The following SBF2 variants were observed in gnomAD, a reference collection of about 807,000 sequenced individuals.
SBF2 encodes the protein myotubularin-related protein 13.
A neutral mutation model predicts 225.2 loss-of-function variants in SBF2; 112 were observed. The ratio of observed to expected loss-of-function variants is 0.50; its 90% CI spans 0.43 to 0.58. The LOEUF is 0.58. SBF2 is among the 20% of genes least tolerant of loss of function. The pLI, the probability that SBF2 is intolerant of heterozygous loss-of-function variation, is 0.00. For synonymous variants in SBF2, 763 were observed against 773.3 expected (o/e 0.99, Z 0.22); for missense variants, 1,996 against 2,206.2 (o/e 0.90, Z 1.91).
At chr11:10,197,387 G>A (rs1424161525) in intron 1 of SBF2, among the ~76,000 whole-genome samples, 1 of 152,186 alleles carries the variant, frequency 6.6e-6, no homozygotes, top group African/African-American at 2.4e-5. Context: ...GCATGTAAAA[G>A]TTATGTTTAC....
At chr11:9,963,687 AAAG>A (rs1464432851) in intron 15 of SBF2, 83 bp downstream of exon 15, 1 of 713,350 alleles carries the variant, frequency 1.4e-6, no homozygotes, top group Non-Finnish European at 2.5e-6. Context: ...GGATAGAATT[AAAG>A]AAGAGAGAAG....
At chr11:9,930,063 T>C (rs986134686) in intron 16 of SBF2, among the ~76,000 whole-genome samples, 3 of 152,018 alleles carry the variant, frequency 2.0e-5, no homozygotes, top group African/African-American at 2.4e-5. Context: ...AGGTGATGGG[T>C]TGACAGGTGC....
At chr11:10,055,771 T>C (rs1950235724) in intron 2 of SBF2, among the ~76,000 whole-genome samples, 3 of 152,028 alleles carry the variant, frequency 2.0e-5, no homozygotes, top group Middle Eastern at 6.8e-3. Flanking sequence ...GTCCCAGAAG[T>C]GGGGAAATGG....
At chr11:10,003,128 C>T (rs1043334892) in intron 6 of SBF2, among the ~76,000 whole-genome samples, 1 of 152,210 alleles carries the variant, frequency 6.6e-6, no homozygotes, top group Non-Finnish European at 1.5e-5. Flanking sequence ...TTGTAAACAG[C>T]ATACACAAAT....
At chr11:9,896,811 G>A (rs1261506492) in intron 16 of SBF2, among the ~76,000 whole-genome samples, 2 of 151,540 alleles carry the variant, frequency 1.3e-5, no homozygotes, top group African/African-American at 4.8e-5. Flanking sequence ...AGGGGGGTGG[G>A]GCGGGGAGGA....
chr11:9,914,276 G>A (rs146636077), intron 16 of SBF2, among the ~76,000 whole-genome samples: 2 of 152,170 alleles, frequency 1.3e-5, no homozygotes, highest in African/African-American at 4.8e-5. Flanking sequence ...AAAAAGTAAT[G>A]CTAGAGATCA....
chr11:9,972,984 A>G (rs1946529114), intron 13 of SBF2, among the ~76,000 whole-genome samples: 1 of 152,216 alleles, frequency 6.6e-6, no homozygotes. Context: ...ATTATGATAT[A>G]TTTAGCTGTG....
chr11:10,110,644 G>C (rs1952794029), intron 2 of SBF2, among the ~76,000 whole-genome samples: 1 of 151,982 alleles, frequency 6.6e-6, no homozygotes, highest in Non-Finnish European at 1.5e-5. Context: ...AGTTTTAAAA[G>C]CTATAAATTT....
intron 2 of SBF2, among the ~76,000 whole-genome samples, chr11:10,123,269 T>C (rs570276808): frequency 6.6e-6 from 1 of 152,090 alleles, no homozygotes; most frequent in African/African-American, 2.4e-5. Context: ...AAGGGAAACA[T>C]AGGGTTCAGC....
At chr11:10,120,955 G>A (rs1953414846) in intron 2 of SBF2, among the ~76,000 whole-genome samples, 1 of 151,876 alleles carries the variant, frequency 6.6e-6, no homozygotes, top group African/African-American at 2.4e-5. Context: ...TGGTAGAGAC[G>A]AGGTTCCACC....
intron 1 of SBF2, among the ~76,000 whole-genome samples, chr11:10,300,915 C>G (rs1206120385): frequency 6.6e-6 from 1 of 151,424 alleles, no homozygotes; most frequent in South Asian, 2.1e-4. Flanking sequence ...TCCCAAAGTG[C>G]TAGGATTACA....
At chr11:9,826,713 GTA>G (rs55922206) in intron 28 of SBF2, among the ~76,000 whole-genome samples, 27,347 of 148,476 alleles carry the variant, frequency 0.18, 2,789 homozygotes, top group Non-Finnish European at 0.24. Flanking sequence ...TGTGTGGTGT[GTA>G]TATATATATA....
Position 10,103,587 on chromosome 11 carries a change from T to A in SBF2, c.142-60606A>T, listed in dbSNP as rs369791873. Among the ~76,000 whole-genome samples, 64 of 152,356 alleles carry A rather than the reference T, an allele frequency of 4.2e-4. 1 individual carries two copies. Among genetic ancestry groups the A allele is most frequent in the African/African-American group, 1.5e-3 (63 of 41,584 alleles). ...ACTTTTTGTCATCCACAGACAATTG[T>A]TGTCTTGCTTTGATCCTCTTTAAAT... On this transcript the variant is annotated intron_variant, in intron 2 of 39. Coordinates refer to ENST00000256190, the MANE Select transcript of SBF2 (RefSeq NM_030962.4).
intron 28 of SBF2, among the ~76,000 whole-genome samples, chr11:9,823,468 AG>A (rs751220587): frequency 6.6e-6 from 1 of 152,162 alleles, no homozygotes; most frequent in East Asian, 1.9e-4. Context: ...GGGAGCAAAA[AG>A]AAAAAGGCTA....
At chr11:9,849,888 T>C (rs1295169177) in intron 22 of SBF2, 135 bp downstream of exon 22, 1 of 825,538 alleles carries the variant, frequency 1.2e-6, no homozygotes, top group Non-Finnish European at 2.1e-6. Context: ...CAGACTAAAG[T>C]ATTTCACCAA....
intron 2 of SBF2, among the ~76,000 whole-genome samples, chr11:10,052,941 A>G (rs2134721297): frequency 6.6e-6 from 1 of 152,312 alleles, no homozygotes. Flanking sequence ...AAGAAATAAA[A>G]TGAAAGTGAA....
intron 2 of SBF2, among the ~76,000 whole-genome samples, chr11:10,170,939 T>G (rs79268357): frequency 0.08 from 12,212 of 152,282 alleles, 673 homozygotes; most frequent in East Asian, 0.28. Context: ...TTTTTTCAGA[T>G]AGTTCACTGT....
intron 16 of SBF2, chr11:9,961,751 A>G: frequency 2.0e-6 from 1 of 501,792 alleles, no homozygotes; most frequent in Non-Finnish European, 3.5e-6. Flanking sequence ...TAGCATTTTC[A>G]AAGAGAAAAC....
At chr11:10,180,248 T>C (rs1049613090) in intron 2 of SBF2, among the ~76,000 whole-genome samples, 32 of 152,174 alleles carry the variant, frequency 2.1e-4, no homozygotes, top group African/African-American at 7.2e-4. Flanking sequence ...CCCTTTATCA[T>C]TTCTTGTAAG....
Sources: allele counts gnomAD v4.1 joint callset (sites outside exome capture counted in the v4.1 genomes callset), GRCh38; gene constraint gnomAD v4.1.1; transcripts MANE v1.5; gene names NCBI Gene and HGNC (gene_info 2026-07-23, HGNC 2026-07-21).